TRIM49B: variants seen among roughly 807,000 people sequenced by gnomAD.
TRIM49B encodes tripartite motif containing 49B, also known as putative tripartite motif-containing protein 49B.
In TRIM49B, 18 loss-of-function variants were observed where a neutral mutation model predicts 31.8. The ratio of observed to expected loss-of-function variants is 0.57; its 90% CI spans 0.39 to 0.84. The LOEUF is 0.84. Among genes scored for constraint, TRIM49B ranks in the 40% least tolerant of loss-of-function variants. The probability of loss-of-function intolerance (pLI) is 0.00; values close to 1 mark genes in which losing one functional copy is unlikely to be tolerated. For synonymous variants in TRIM49B, 196 were observed against 180.6 expected (o/e 1.09, Z -0.68); for missense variants, 494 against 538.7 (o/e 0.92, Z 0.82).
chr11:49,034,512 T>C, intron 4 of TRIM49B, 136 bp downstream of exon 4: 2 of 1,584,364 alleles, frequency 1.3e-6, no homozygotes, highest in East Asian at 4.5e-5. Flanking sequence ...TAATGCTACT[T>C]TGTTGGGAGA....
intron 1 of TRIM49B, among the ~76,000 whole-genome samples, chr11:49,031,195 TA>T (rs1358313943): frequency 1.3e-5 from 2 of 152,156 alleles, no homozygotes; most frequent in Non-Finnish European, 2.9e-5. Flanking sequence ...CATCTTCTCA[TA>T]TTTCTTTGGC....
rs779329500 is a variant in TRIM49B, at chr11:49,037,728, G to A, written c.1110G>A (p.Lys370=). ...GGAAAGAGAAGAATCAGAATGAGAAGATAGATGGAGAGGATGGACTCTTTC... is the reference window on the plus strand; with the variant it reads ...GGAAAGAGAAGAATCAGAATGAGAAAATAGATGGAGAGGATGGACTCTTTC... The part of the protein sequence containing the change: ...MYWKEKNQNE[K]IDGEDGLFLL... The change falls in exon 7 of 7, where the codon AAG becomes AAA. Residue 370 remains lysine (K), a synonymous_variant. Coordinates refer to ENST00000332682, the MANE Select transcript of TRIM49B (RefSeq NM_001206626.2). 3 of 1,613,782 alleles carry A rather than the reference G, an allele frequency of 1.9e-6. No homozygotes were observed. Among genetic ancestry groups the A allele is most frequent in the Admixed American group, 1.7e-5 (1 of 59,990 alleles).
rs1854502417 is a variant in TRIM49B at position 49,035,022 on chromosome 11, A to T, written c.739-73A>T. ...TAATATCTTCAGAAACTGAGTACAA[A>T]TCTCACACTGAACTTAGTGAAAGAT... On this transcript the variant is annotated intron_variant, in intron 4 of 6. Coordinates refer to ENST00000332682, the MANE Select transcript of TRIM49B (RefSeq NM_001206626.2). The T allele has an allele frequency of 1.9e-6, 3 of 1,599,152 alleles. No homozygotes were observed. In the South Asian group the frequency reaches 3.4e-5, roughly 18 times the overall value.
chr11:49,036,139 T>G (rs542496409), intron 5 of TRIM49B, among the ~76,000 whole-genome samples, 162 bp from the exon 6 acceptor site: 1 of 152,322 alleles, frequency 6.6e-6, no homozygotes, highest in African/African-American at 2.4e-5. Flanking sequence ...TGCTTAAAAA[T>G]TTAGAAACTG....
At chr11:49,032,129 T>A in intron 2 of TRIM49B, 119 bp downstream of exon 2, 1 of 1,583,262 alleles carries the variant, frequency 6.3e-7, no homozygotes, top group South Asian at 1.2e-5. Flanking sequence ...CTGTTTGGGC[T>A]TTCTTAGCTT....
At chr11:49,037,379 C>G in intron 6 of TRIM49B, 99 bp from the exon 7 acceptor site, 1 of 1,458,272 alleles carries the variant, frequency 6.9e-7, no homozygotes, top group Non-Finnish European at 9.0e-7. Context: ...ACAAGCAAAA[C>G]TTTTTATGAC....
chr11:49,035,254 T>C (rs1854508451), intron 5 of TRIM49B, 137 bp downstream of exon 5: 1 of 1,405,324 alleles, frequency 7.1e-7, no homozygotes, highest in Non-Finnish European at 9.6e-7. Context: ...GCATCTACTT[T>C]CGTTCCCACA....
chr11:49,034,226 T>A lies in TRIM49B; in HGVS notation c.588T>A (p.His196Gln). The change falls in exon 4 of 7, where the codon CAT becomes CAA. Residue 196 changes from histidine to glutamine, a missense_variant. Coordinates refer to ENST00000332682, the MANE Select transcript of TRIM49B (RefSeq NM_001206626.2). ...MPAFHHEEEK[H>Q]NLEMLKKKGK... ...CATTTCACCATGAAGAAGAAAAACA[T>A]AATTTGGAGATGCTGAAAAAGAAGG... is the stretch of plus-strand genomic sequence containing the variant. 6.2e-7 allele frequency: 1 copy of A among 1,611,950 alleles called. No individual in the cohort carries two copies. The highest frequency in any genetic ancestry group is 8.5e-7 in the Non-Finnish European group (1 of 1,179,808).
chr11:49,034,417 C>T (rs373548192), intron 4 of TRIM49B, 41 bp downstream of exon 4: 130 of 1,611,888 alleles, frequency 8.1e-5, no homozygotes, highest in South Asian at 7.6e-4. Flanking sequence ...TGAATATTCA[C>T]ATGTATAAGT....
chr11:49,030,861 GCACAGCCCT>G (rs1270637606), intron 1 of TRIM49B, among the ~76,000 whole-genome samples: 4 of 152,126 alleles, frequency 2.6e-5, no homozygotes, highest in African/African-American at 9.7e-5. Context: ...TTCAGAGTTT[GCACAGCCCT>G]AGGGGAAGTT....
Position 49,031,800 on chromosome 11 carries a change from C to G in TRIM49B, c.201C>G (p.Asn67Lys), listed in dbSNP as rs1224269280. ...KSTGQINLKT[N>K]IHFKKMASLA... ...CAGGGCAGATAAACCTCAAAACCAA[C>G]ATTCATTTCAAGAAGATGGCTTCTC... Residue 67 changes from asparagine to lysine, a missense_variant, in exon 2 of 7, where the codon AAC becomes AAG. Coordinates refer to ENST00000332682, the MANE Select transcript of TRIM49B (RefSeq NM_001206626.2). 1 of 1,613,892 alleles carries G rather than the reference C, an allele frequency of 6.2e-7. No individual in the cohort carries two copies. The highest frequency in any genetic ancestry group is 8.5e-7 in the Non-Finnish European group (1 of 1,179,882).
chr11:49,037,415 C>A (rs1304892951), intron 6 of TRIM49B, 63 bp from the exon 7 acceptor site: 7 of 1,518,348 alleles, frequency 4.6e-6, no homozygotes, highest in Non-Finnish European at 5.3e-6. Context: ...AAAGTAACTT[C>A]TTGATAGACA....
intron 3 of TRIM49B, among the ~76,000 whole-genome samples, chr11:49,033,481 ATG>A (rs2134697959): frequency 6.6e-6 from 1 of 152,050 alleles, no homozygotes; most frequent in African/African-American, 2.4e-5. Flanking sequence ...ATATATATGT[ATG>A]TATGTATGTA....
intron 1 of TRIM49B, among the ~76,000 whole-genome samples, chr11:49,030,629 G>A (rs1222831351): frequency 6.6e-6 from 1 of 152,036 alleles, no homozygotes; most frequent in African/African-American, 2.4e-5. Context: ...TCAGCTGACT[G>A]GATGGTGCCC....
rs745499507 is a variant in TRIM49B, at chr11:49,037,613, G to A, written c.995G>A (p.Gly332Asp). The A allele has an allele frequency of 6.2e-7, 1 of 1,614,052 alleles. No individual in the cohort carries two copies. Among genetic ancestry groups the A allele is most frequent in the Non-Finnish European group, 8.5e-7 (1 of 1,179,954 alleles). ...ACACCTAGAAGTTTTCTTGCATGGG[G>A]TGCTCAGACTTTCACCTCGGGCAAA... Reference protein sequence around the residue: ...TATPRSFLAWGAQTFTSGKYY... With the variant: ...TATPRSFLAWDAQTFTSGKYY... The change falls in exon 7 of 7, where the codon GGT (glycine) becomes GAT (aspartate). Residue 332 changes from glycine (G) to aspartate (D), a missense_variant. Gly to Asp is a moderately conservative substitution (Grantham distance 94). This residue lies in a region of TRIM49B where 233 missense variants were observed against 281.4 expected (regional missense o/e 0.83). Transcript: ENST00000332682.
In TRIM49B at chr11:49,037,473, T is replaced by G. The variant is rs752590813; in HGVS notation, c.860-5T>G. Reference sequence around the variant, plus strand: ...GTCTATGCATGTTTTCTCTTTTTTTTGCAGTGCATATTACTCTGCATCATG... The same window carrying G: ...GTCTATGCATGTTTTCTCTTTTTTTGGCAGTGCATATTACTCTGCATCATG... On this transcript the variant is annotated splice_region_variant and splice_polypyrimidine_tract_variant and intron_variant, in intron 6 of 6. Coordinates refer to ENST00000332682, the MANE Select transcript of TRIM49B (RefSeq NM_001206626.2). The G allele has an allele frequency of 1.1e-5, 17 of 1,608,420 alleles. No individual in the cohort carries two copies. The East Asian group carries it at 3.8e-4, about 36-fold the overall frequency.
In TRIM49B at chr11:49,031,661, A is replaced by T; in HGVS notation, c.62A>T (p.Tyr21Phe). Residue 21 changes from tyrosine to phenylalanine, a missense_variant, in exon 2 of 7, where the codon TAC becomes TTC. By Grantham distance (22) the Tyr-to-Phe change is conservative. Around this residue, in one of 3 missense-constraint regions of TRIM49B, gnomAD observed 251 missense variants for 232.8 expected, o/e 1.08. Transcript: ENST00000332682. ...RELICPICMN[Y>F]FIDPVTIDCG... ...CTCATCTGCCCCATCTGCATGAACTACTTCATAGACCCGGTCACCATAGAC... is the reference window on the plus strand; with the variant it reads ...CTCATCTGCCCCATCTGCATGAACTTCTTCATAGACCCGGTCACCATAGAC... The T allele has an allele frequency of 6.2e-7, 1 of 1,613,948 alleles. No homozygotes were observed. Among genetic ancestry groups the T allele is most frequent in the Non-Finnish European group, 8.5e-7 (1 of 1,179,860 alleles).
intron 3 of TRIM49B, 111 bp from the exon 4 acceptor site, chr11:49,034,035 G>A: frequency 1.3e-6 from 2 of 1,578,430 alleles, no homozygotes; most frequent in Non-Finnish European, 1.7e-6. Flanking sequence ...CTAAGAACTG[G>A]CAAGACAGAG....
rs1446120635 is a variant in TRIM49B at position 49,038,010 on chromosome 11, G to A, written c.*33G>A. The A allele has an allele frequency of 3.8e-6, 6 of 1,587,024 alleles. No individual in the cohort carries two copies. The highest frequency in any genetic ancestry group is 5.1e-6 in the Non-Finnish European group (6 of 1,168,394). On this transcript the variant is annotated 3_prime_UTR_variant, in exon 7 of 7. Coordinates refer to ENST00000332682, the MANE Select transcript of TRIM49B (RefSeq NM_001206626.2). ...CAAATCAGAAATGTGTTCACATGCT[G>A]TGGGAACCCCTTTATCCCAGGAAGT... is the stretch of plus-strand genomic sequence containing the variant.
Sources: gnomAD v4.1 joint callset for allele counts (sites outside exome capture counted in the v4.1 genomes callset) on GRCh38, gnomAD v4.1.1 for gene constraint, gnomAD v4.1.1 regional missense constraint, MANE v1.5 for transcripts, NCBI Gene and HGNC (gene_info 2026-07-23, HGNC 2026-07-21) for gene names.